The following TDRD9 variants were observed in gnomAD, a reference collection of about 807,000 sequenced individuals.
The protein encoded by TDRD9 is tudor domain containing 9, also known as ATP-dependent RNA helicase TDRD9.
Under a neutral mutation model 172.6 loss-of-function variants are expected in TDRD9, and 124 were observed. That is an observed-to-expected ratio of 0.72 (90% CI 0.62 to 0.83). The LOEUF is 0.83. TDRD9 is among the 40% of genes least tolerant of loss of function. TDRD9 has a pLI of 0.00. For missense variants in TDRD9, 1,479 were observed against 1,714.1 expected (o/e 0.86, Z 2.42); for synonymous variants, 619 against 617.1 (o/e 1.00, Z -0.05).
rs867801627 is a variant in TDRD9 at position 103,970,551 on chromosome 14, G to T, written c.776G>T (p.Arg259Leu). 1 of 1,551,428 alleles carries T rather than the reference G, an allele frequency of 6.4e-7. No homozygotes were observed. The highest frequency in any genetic ancestry group is 8.7e-7 in the Non-Finnish European group (1 of 1,146,850). The change falls in exon 6 of 36, where the codon CGA becomes CTA. Residue 259 changes from arginine (R) to leucine (L), a missense_variant. Coordinates refer to ENST00000409874, the MANE Select transcript of TDRD9 (RefSeq NM_153046.3). ...TTTTTTATTTTGTAGGTACACGAAC[G>T]AACAGAAGAAATGGATTTCCTGCTA... Reference protein sequence around the residue: ...THIIIDEVHERTEEMDFLLLV... With the variant: ...THIIIDEVHELTEEMDFLLLV...
rs58289480 is a variant in TDRD9 at position 103,980,079 on chromosome 14, A to G, written c.1011+4526A>G. ...TTTTTTGTGGAGATAGGGTCTTGCT[A>G]TGTTGTCCAGGCTGATCTTGAACTC... On this transcript the variant is annotated intron_variant, in intron 7 of 35. Coordinates refer to ENST00000409874, the MANE Select transcript of TDRD9 (RefSeq NM_153046.3). This position sits in a 1 kb window ranked among gnomAD's most constrained non-coding sequence, Gnocchi z 4.5. Among the ~76,000 whole-genome samples, 51,452 of 151,840 alleles carry G rather than the reference A, an allele frequency of 0.34. 8,908 individuals carry two copies. Among genetic ancestry groups the G allele is most frequent in the Middle Eastern group, 0.37 (110 of 294 alleles).
Position 104,008,430 on chromosome 14 carries a change from A to T in TDRD9, c.2070A>T (p.Gly690=), listed in dbSNP as rs2034513200. The change falls in exon 20 of 36, where the codon GGA becomes GGT. Residue 690 remains glycine (G), a synonymous_variant. Coordinates refer to ENST00000409874, the MANE Select transcript of TDRD9 (RefSeq NM_153046.3). ...ATTTAAAGGATGAACTTAATTGGGG[A>T]CGGTTAAATTACATTCAAATCAAGA... The part of the protein sequence containing the change: ...LRYPKDELNW[G]RLNYIQIKRI... 2.6e-6 allele frequency: 4 copies of T among 1,561,742 alleles called. No individual in the cohort carries two copies. The East Asian group carries it at 9.0e-5, about 35-fold the overall frequency.
rs968663591 is a variant in TDRD9, at chr14:103,947,510, A to G, written c.216-8154A>G. ...GCCCGGCTAATTTTTTTGTATTTTT[A>G]GTAGAGATGGGGTTTCACCGTGTTT... On this transcript the variant is annotated intron_variant, in intron 1 of 35. Coordinates refer to ENST00000409874, the MANE Select transcript of TDRD9 (RefSeq NM_153046.3). Among the ~76,000 whole-genome samples, 7 of 151,768 alleles carry G rather than the reference A, an allele frequency of 4.6e-5. No homozygotes were observed. The South Asian group carries it at 8.4e-4, about 18-fold the overall frequency.
At chr14:103,941,314 A>T in intron 1 of TDRD9, 1 of 1,087,330 alleles carries the variant, frequency 9.2e-7, no homozygotes, top group South Asian at 1.6e-5. Flanking sequence ...AATTTACATG[A>T]TAGAATACAG....
intron 12 of TDRD9, among the ~76,000 whole-genome samples, chr14:103,996,564 C>T (rs909253552): frequency 6.6e-6 from 1 of 152,042 alleles, no homozygotes; most frequent in Admixed American, 6.6e-5. Flanking sequence ...AAATGAGGAG[C>T]GAGCTATGCA....
At chr14:103,984,515 A>C (rs1314772039) in intron 7 of TDRD9, among the ~76,000 whole-genome samples, 1 of 152,206 alleles carries the variant, frequency 6.6e-6, no homozygotes, top group East Asian at 1.9e-4. Context: ...CAGCCCCCAC[A>C]TGTTGTTAAG....
chr14:103,931,011 A>C (rs1485215568), intron 1 of TDRD9, among the ~76,000 whole-genome samples: 2 of 152,164 alleles, frequency 1.3e-5, no homozygotes, highest in Admixed American at 1.3e-4. Flanking sequence ...TATTAGATTC[A>C]ATCTGGGTGT....
chr14:103,941,689 G>A (rs1453209459), intron 1 of TDRD9: 3 of 1,512,510 alleles, frequency 2.0e-6, no homozygotes, highest in Non-Finnish European at 8.8e-7. Context: ...CAGCCAAAAA[G>A]TGGCATTTTT....
At chr14:103,975,354 A>T in intron 6 of TDRD9, 35 bp from the exon 7 acceptor site, 1 of 1,586,150 alleles carries the variant, frequency 6.3e-7, no homozygotes, top group Non-Finnish European at 8.6e-7. Context: ...GATGATTCTC[A>T]TTGTTTTATT....
rs1187481817 is a variant in TDRD9 at position 104,031,609 on chromosome 14, C to G, written c.3438+346C>G. On this transcript the variant is annotated intron_variant, in intron 29 of 35. Transcript: ENST00000409874. Reference sequence around the variant, plus strand: ...GGCTGTTAGAGCCGGTGCTGCCCGCCTGCTTGGAGAGGAGGGCTGGCCAGG... The same window carrying G: ...GGCTGTTAGAGCCGGTGCTGCCCGCGTGCTTGGAGAGGAGGGCTGGCCAGG... Among the ~76,000 whole-genome samples, 3 of 151,902 alleles carry G rather than the reference C, an allele frequency of 2.0e-5. No individual in the cohort carries two copies. The East Asian group carries it at 5.8e-4, about 29-fold the overall frequency.
intron 30 of TDRD9, among the ~76,000 whole-genome samples, chr14:104,033,695 C>T (rs1278847773): frequency 6.6e-6 from 1 of 151,906 alleles, no homozygotes; most frequent in African/African-American, 2.4e-5. Context: ...CCAGCGTGTG[C>T]GTGGTTCCTA....
intron 1 of TDRD9, among the ~76,000 whole-genome samples, chr14:103,933,346 T>TGCCGTGTACTTTCC (rs2030531130): frequency 6.6e-6 from 1 of 152,216 alleles, no homozygotes; most frequent in African/African-American, 2.4e-5. Context: ...TTGTGCTTTC[T>TGCCGTGTACTTTCC]GCCGTGTACT....
In TDRD9 at chr14:104,025,525, T is replaced by G. The variant is rs376538229; in HGVS notation, c.2719-39T>G. 203 of 1,574,128 alleles carry G rather than the reference T, an allele frequency of 1.3e-4. No individual in the cohort carries two copies. The African/African-American group carries it at 2.4e-3, about 19-fold the overall frequency. On this transcript the variant is annotated intron_variant, in intron 25 of 35. Coordinates refer to ENST00000409874, the MANE Select transcript of TDRD9 (RefSeq NM_153046.3). ...CTCATTTTCCTCCTTACAAAAGTCC[T>G]TTCTAGATTTCATCTCTTCTCCTCC... is the stretch of plus-strand genomic sequence containing the variant.
intron 8 of TDRD9, among the ~76,000 whole-genome samples, chr14:103,989,287 A>T (rs1026607626): frequency 6.6e-6 from 1 of 152,056 alleles, no homozygotes; most frequent in African/African-American, 2.4e-5. Flanking sequence ...GCAAGATTTC[A>T]CCTTGTCTTT....
chr14:104,048,646 T>A (rs1488791949), intron 34 of TDRD9, among the ~76,000 whole-genome samples: 2 of 152,118 alleles, frequency 1.3e-5, no homozygotes, highest in Non-Finnish European at 2.9e-5. Context: ...CCCAGGTTTT[T>A]CCCACGTGTG....
chr14:104,001,695 A>G (rs1212331321), intron 13 of TDRD9, among the ~76,000 whole-genome samples: 1 of 151,808 alleles, frequency 6.6e-6, no homozygotes, highest in Non-Finnish European at 1.5e-5. Flanking sequence ...TGCAACCTTC[A>G]CCTTCTGGGT....
At chr14:104,041,928 G>A in intron 33 of TDRD9, 141 bp from the exon 34 acceptor site, 1 of 576,260 alleles carries the variant, frequency 1.7e-6, no homozygotes, top group Admixed American at 2.8e-5. Context: ...ACTGGGAGCA[G>A]TCAAGATGCC....
In TDRD9 at chr14:104,006,346, G is replaced by A. The variant is rs534100812; in HGVS notation, c.1714-43G>A. The A allele has an allele frequency of 3.9e-6, 6 of 1,556,122 alleles. No homozygotes were observed. The African/African-American group carries it at 6.8e-5, about 18-fold the overall frequency. On this transcript the variant is annotated intron_variant, in intron 15 of 35. Transcript: ENST00000409874. ...TCCACCTTAAGGGGAAGAAGTATGA[G>A]TAAGTCAGTGCTTGATAATAACACT... is the stretch of plus-strand genomic sequence containing the variant.
chr14:104,039,404 C>T (rs12589388), intron 32 of TDRD9, among the ~76,000 whole-genome samples: 77,027 of 151,414 alleles, frequency 0.51, 20,957 homozygotes, highest in South Asian at 0.63. Flanking sequence ...ACTGTAGTCA[C>T]AGTCACAGCT....
Sources: gnomAD v4.1 joint callset for allele counts (sites outside exome capture counted in the v4.1 genomes callset) on GRCh38, gnomAD v4.1.1 for gene constraint, Gnocchi (gnomAD v3.1) non-coding constraint, MANE v1.5 for transcripts, NCBI Gene and HGNC (gene_info 2026-07-23, HGNC 2026-07-21) for gene names.